Variants in DMTF1 observed in about 807,000 individuals in gnomAD.
The protein encoded by DMTF1 is cyclin-D-binding Myb-like transcription factor 1.
In DMTF1, 39 loss-of-function variants were observed where a neutral mutation model predicts 91.1. The ratio of observed to expected loss-of-function variants is 0.43; its 90% CI spans 0.33 to 0.56. The LOEUF is 0.56. Ranked by LOEUF, DMTF1 falls within the 20% of genes least tolerant of loss-of-function variation. The probability of loss-of-function intolerance (pLI) is 0.05; values close to 1 mark genes in which losing one functional copy is unlikely to be tolerated. For synonymous variants in DMTF1, 338 were observed against 309.5 expected (o/e 1.09, Z -0.97); for missense variants, 750 against 914.5 (o/e 0.82, Z 2.32).
intron 5 of DMTF1, among the ~76,000 whole-genome samples, chr7:87,172,585 G>A (rs754425208): frequency 6.6e-6 from 1 of 152,196 alleles, no homozygotes; most frequent in Non-Finnish European, 1.5e-5. Context: ...TATTCAAGAA[G>A]TAGTAGTCCA....
chr7:87,193,744 C>G lies in DMTF1; in HGVS notation c.1670C>G (p.Thr557Arg). The G allele has an allele frequency of 6.2e-7, 1 of 1,602,372 alleles. No individual in the cohort carries two copies. The highest frequency in any genetic ancestry group is 1.1e-5 in the South Asian group (1 of 88,836). The part of the protein sequence containing the change: ...HALSPEHLLN[T>R]SDNVTVQCHT... ...TTATAGCCAGAACATTTGTTGAACA[C>G]AAGTGATAATGTTACAGTGCAGTGT... Residue 557 changes from threonine (T) to arginine (R), a missense_variant, in exon 16 of 18, where the codon ACA becomes AGA. This residue lies in a region of DMTF1 where 410 missense variants were observed against 420.2 expected (regional missense o/e 0.98). Transcript: ENST00000331242.
At chr7:87,159,315 C>G (rs73206913) in intron 1 of DMTF1, among the ~76,000 whole-genome samples, 3,967 of 152,288 alleles carry the variant, frequency 0.026, 80 homozygotes, top group East Asian at 0.065. Flanking sequence ...CCACTCTCCA[C>G]TGATAAAGCT....
chr7:87,183,942 A>G (rs1378407335), intron 10 of DMTF1, among the ~76,000 whole-genome samples: 1 of 152,194 alleles, frequency 6.6e-6, no homozygotes, highest in Non-Finnish European at 1.5e-5. Context: ...CCATTGGTGT[A>G]ATTTCCCTTG....
At position 87,193,957 on chromosome 7, in the gene DMTF1, A is replaced by C; in HGVS notation, c.1883A>C (p.Asn628Thr). Residue 628 changes from asparagine to threonine, a missense_variant, in exon 16 of 18, where the codon AAT becomes ACT. Coordinates refer to ENST00000331242, the MANE Select transcript of DMTF1 (RefSeq NM_001142327.2). ...AAGATGACTGTGGAGCCATCATTTA[A>C]TGATGCTCATGTATCCAAATTCAGT... ...HPKMTVEPSF[N>T]DAHVSKFSDQ... is the part of the protein sequence containing the mutation. 1 of 1,613,404 alleles carries C rather than the reference A, an allele frequency of 6.2e-7. No homozygotes were observed. The highest frequency in any genetic ancestry group is 8.5e-7 in the Non-Finnish European group (1 of 1,179,596).
intron 4 of DMTF1, among the ~76,000 whole-genome samples, chr7:87,169,437 A>T (rs1794595398): frequency 6.6e-6 from 1 of 152,208 alleles, no homozygotes; most frequent in African/African-American, 2.4e-5. Context: ...CTGGCCTGGC[A>T]ACAGAACAAG....
chr7:87,181,178 T>C (rs1797293047), intron 8 of DMTF1, 131 bp from the exon 9 acceptor site: 2 of 527,916 alleles, frequency 3.8e-6, no homozygotes, highest in Non-Finnish European at 7.1e-6. Flanking sequence ...CACTTTAAAA[T>C]GGGTTACTTT....
At position 87,171,069 on chromosome 7, in the gene DMTF1, G is replaced by A. The variant is rs754967697; in HGVS notation, c.307G>A (p.Gly103Arg). 28 of 1,609,388 alleles carry A rather than the reference G, an allele frequency of 1.7e-5. No individual in the cohort carries two copies. Among genetic ancestry groups the A allele is most frequent in the Non-Finnish European group, 1.8e-5 (21 of 1,176,106 alleles). The stretch of plus-strand genomic sequence containing the variant: ...AGTAGCAGATGATGAGGTTACTGAG[G>A]GGACTGTGACACAGATACAGGTATA... ...TEVADDEVTE[G>R]TVTQIQILQN... The change falls in exon 5 of 18, where the codon GGG becomes AGG. Residue 103 changes from glycine to arginine, a missense_variant. Around this residue, in one of 3 missense-constraint regions of DMTF1, gnomAD observed 150 missense variants for 150.4 expected, o/e 1.00. Transcript: ENST00000331242.
At chr7:87,168,638 C>CA (rs1394150122) in intron 4 of DMTF1, among the ~76,000 whole-genome samples, 2 of 152,062 alleles carry the variant, frequency 1.3e-5, no homozygotes, top group Non-Finnish European at 2.9e-5. Context: ...ATTTGGTGAA[C>CA]TCATAACTGT....
chr7:87,164,046 G>C (rs3789252), intron 2 of DMTF1, among the ~76,000 whole-genome samples: 113,577 of 133,128 alleles, frequency 0.85, 48,306 homozygotes, highest in Middle Eastern at 0.96. Flanking sequence ...CAATGAAGAC[G>C]CCTTCTCTAA....
At chr7:87,164,859 C>CAGA (rs1793446584) in intron 2 of DMTF1, 75 bp from the exon 3 acceptor site, 1 of 761,412 alleles carries the variant, frequency 1.3e-6, no homozygotes, top group South Asian at 2.2e-5. Flanking sequence ...TGTGGTATTT[C>CAGA]AGGGGATTAT....
Position 87,184,409 on chromosome 7 carries a change from A to G in DMTF1, c.833A>G (p.Glu278Gly), listed in dbSNP as rs1467918794. The G allele has an allele frequency of 3.1e-6, 5 of 1,613,092 alleles. No homozygotes were observed. Among genetic ancestry groups the G allele is most frequent in the Admixed American group, 1.7e-5 (1 of 59,926 alleles). The change falls in exon 11 of 18, where the codon GAA (glutamate) becomes GGA (glycine). Residue 278 changes from glutamate (E) to glycine (G), a missense_variant. This residue lies in a region of DMTF1 where 190 missense variants were observed against 343.8 expected (regional missense o/e 0.55). Coordinates refer to ENST00000331242, the MANE Select transcript of DMTF1 (RefSeq NM_001142327.2). ...KDTCNTGKWTEEEEKRLAEVV... is the reference protein window; with the variant it reads ...KDTCNTGKWTGEEEKRLAEVV... The stretch of plus-strand genomic sequence containing the variant: ...TTCCTTTTTTCAGGGAAGTGGACAG[A>G]AGAAGAAGAAAAGAGACTTGCAGAA...
chr7:87,165,081 C>G, intron 3 of DMTF1, 31 bp downstream of exon 3: 5 of 1,482,286 alleles, frequency 3.4e-6, no homozygotes, highest in Non-Finnish European at 4.7e-6. Flanking sequence ...ATAATTCTGA[C>G]TCTCTGAATT....
At chr7:87,181,032 T>C (rs148909754) in intron 8 of DMTF1, among the ~76,000 whole-genome samples, 3,107 of 152,128 alleles carry the variant, frequency 0.02, 120 homozygotes, top group African/African-American at 0.07. Context: ...CTGTTTTTGG[T>C]AGAGATGGGG....
intron 1 of DMTF1, among the ~76,000 whole-genome samples, chr7:87,160,538 G>T (rs1792048787): frequency 6.6e-6 from 1 of 151,856 alleles, no homozygotes; most frequent in African/African-American, 2.4e-5. Context: ...GCCTCCCAAA[G>T]TGCTGGGAGC....
intron 1 of DMTF1, among the ~76,000 whole-genome samples, chr7:87,159,081 A>C (rs971491449): frequency 1.3e-5 from 2 of 152,158 alleles, no homozygotes; most frequent in African/African-American, 2.4e-5. Context: ...AATCCTGTCA[A>C]CTTTCAGCCC....
In DMTF1 at chr7:87,182,269, C is replaced by T. The variant is rs1797526693; in HGVS notation, c.752C>T (p.Ala251Val). The change falls in exon 10 of 18, where the codon GCG becomes GTG. Residue 251 changes from alanine (A) to valine (V), a missense_variant. Transcript: ENST00000331242. ...GGCAATGACTGGGCAACAATAGGGG[C>T]GGCGCTAGGAAGAAGTGCATCTTCT... ...KHGNDWATIG[A>V]ALGRSASSVK... The T allele has an allele frequency of 3.1e-6, 5 of 1,614,066 alleles. No individual in the cohort carries two copies. The highest frequency in any genetic ancestry group is 1.1e-5 in the South Asian group (1 of 91,078).
chr7:87,159,507 T>C (rs1306964488), intron 1 of DMTF1, among the ~76,000 whole-genome samples: 2 of 152,262 alleles, frequency 1.3e-5, no homozygotes, highest in East Asian at 3.8e-4. Flanking sequence ...AGGTATTTTT[T>C]TCTTTAACGT....
rs948439427 is a variant in DMTF1 at position 87,195,117 on chromosome 7, G to A, written c.2260G>A (p.Glu754Lys). 1.7e-5 allele frequency: 27 copies of A among 1,610,676 alleles called. No homozygotes were observed. The highest frequency in any genetic ancestry group is 2.2e-5 in the East Asian group (1 of 44,778). ...SPVSEDSKDV[E>K]DLVNCH ...TGTTTCAGAAGATTCAAAGGATGTC[G>A]AAGATTTGGTAAACTGTCATTAGAA... is the stretch of plus-strand genomic sequence containing the variant. The change falls in exon 18 of 18, where the codon GAA (glutamate) becomes AAA (lysine). Residue 754 changes from glutamate to lysine, a missense_variant. Physicochemically the swap from Glu to Lys is moderately conservative, Grantham distance 56. Transcript: ENST00000331242.
At chr7:87,183,047 G>A (rs1264231355) in intron 10 of DMTF1, among the ~76,000 whole-genome samples, 2 of 152,098 alleles carry the variant, frequency 1.3e-5, no homozygotes, top group East Asian at 1.9e-4. Context: ...TAGCCATAAT[G>A]TTCTCTGAAG....
Sources: allele counts gnomAD v4.1 joint callset (sites outside exome capture counted in the v4.1 genomes callset), GRCh38; gene constraint gnomAD v4.1.1; regional missense constraint gnomAD v4.1.1; transcripts MANE v1.5; gene names NCBI Gene and HGNC (gene_info 2026-07-23, HGNC 2026-07-21).